The following RAVER2 variants were observed in gnomAD, a reference collection of about 807,000 sequenced individuals.
RAVER2 encodes ribonucleoprotein, PTB binding 2.
RAVER2 carries 46 observed loss-of-function variants against 78.1 expected under a neutral mutation model. The observed-to-expected ratio is 0.59, with a 90% CI of 0.46 to 0.75. The LOEUF (loss-of-function observed/expected upper bound fraction) is 0.75, where lower values mean the gene tolerates loss of function less well. Ranked by LOEUF, RAVER2 falls within the 30% of genes least tolerant of loss-of-function variation. The pLI is 0.00. For synonymous variants in RAVER2, 311 were observed against 313.3 expected (o/e 0.99, Z 0.08); for missense variants, 793 against 837.5 (o/e 0.95, Z 0.66).
intron 5 of RAVER2, among the ~76,000 whole-genome samples, chr1:64,797,767 A>T (rs1192475665): frequency 6.6e-6 from 1 of 152,088 alleles, no homozygotes; most frequent in Non-Finnish European, 1.5e-5. Flanking sequence ...ATCTATCTAT[A>T]TCTATATGTT....
chr1:64,806,272 A>C (rs755365499), intron 8 of RAVER2, among the ~76,000 whole-genome samples: 1 of 152,166 alleles, frequency 6.6e-6, no homozygotes, highest in African/African-American at 2.4e-5. Flanking sequence ...TTAGCCAGGC[A>C]TGCTGGCACA....
At chr1:64,780,571 T>G (rs1457680299) in intron 3 of RAVER2, among the ~76,000 whole-genome samples, 2 of 152,226 alleles carry the variant, frequency 1.3e-5, no homozygotes, top group East Asian at 3.8e-4. Flanking sequence ...GAAATGTGTC[T>G]TCTCAAAGAT....
chr1:64,764,476 C>T (rs1347629376), intron 1 of RAVER2, among the ~76,000 whole-genome samples: 1 of 151,938 alleles, frequency 6.6e-6, no homozygotes, highest in Admixed American at 6.6e-5. Flanking sequence ...AAATAAGATC[C>T]CTTTATGACC....
chr1:64,798,519 A>G (rs1484034737), intron 5 of RAVER2, among the ~76,000 whole-genome samples: 1 of 151,962 alleles, frequency 6.6e-6, no homozygotes, highest in Non-Finnish European at 1.5e-5. Flanking sequence ...ACAATGGTTG[A>G]ACTAGTTTAC....
intron 11 of RAVER2, among the ~76,000 whole-genome samples, chr1:64,817,958 GATAA>G (rs1253649779): frequency 6.6e-6 from 1 of 152,100 alleles, no homozygotes; most frequent in Non-Finnish European, 1.5e-5. Context: ...ATGGAGAAGG[GATAA>G]ATAATCTCTC....
chr1:64,751,662 T>G (rs1366539960), intron 1 of RAVER2, among the ~76,000 whole-genome samples: 1 of 152,184 alleles, frequency 6.6e-6, no homozygotes, highest in Non-Finnish European at 1.5e-5. Flanking sequence ...ACAGGCATAA[T>G]CATAGTGCAC....
chr1:64,807,278 A>G, exon 9 of RAVER2: 1 of 1,614,200 alleles, frequency 6.2e-7, no homozygotes, highest in Middle Eastern at 1.7e-4. Flanking sequence ...CCAAATCAGC[A>G]CATTGCTGGA....
At chr1:64,820,745 G>C (rs310237) in intron 11 of RAVER2, among the ~76,000 whole-genome samples, 1 of 152,096 alleles carries the variant, frequency 6.6e-6, no homozygotes, top group South Asian at 2.1e-4. Context: ...ACATGAGCTC[G>C]TTCTTTTTTA....
intron 10 of RAVER2, among the ~76,000 whole-genome samples, chr1:64,814,431 C>G (rs1328439744): frequency 2.6e-5 from 4 of 151,924 alleles, no homozygotes. Flanking sequence ...ACCTTTCCAC[C>G]AAAATTATTT....
intron 10 of RAVER2, among the ~76,000 whole-genome samples, chr1:64,814,486 G>C (rs1570579490): frequency 6.6e-6 from 1 of 151,986 alleles, no homozygotes; most frequent in Non-Finnish European, 1.5e-5. Context: ...AAATGAATAA[G>C]ACAGTATTAT....
At chr1:64,779,977 G>C (rs962020738) in intron 3 of RAVER2, among the ~76,000 whole-genome samples, 1 of 151,908 alleles carries the variant, frequency 6.6e-6, no homozygotes, top group African/African-American at 2.4e-5. Context: ...AGCCCTCTCT[G>C]AAACTACTGA....
At chr1:64,750,279 T>C (rs1651661435) in intron 1 of RAVER2, among the ~76,000 whole-genome samples, 1 of 151,834 alleles carries the variant, frequency 6.6e-6, no homozygotes, top group Non-Finnish European at 1.5e-5. Flanking sequence ...TAAATTTTTT[T>C]CTGCTCTTTC....
At chr1:64,761,277 T>C (rs946041245) in intron 1 of RAVER2, among the ~76,000 whole-genome samples, 2 of 152,178 alleles carry the variant, frequency 1.3e-5, no homozygotes, top group Admixed American at 6.5e-5. Context: ...CAAGATAAAA[T>C]TGATACCACA....
intron 8 of RAVER2, 144 bp from the exon 9 acceptor site, chr1:64,807,062 A>G: frequency 4.6e-6 from 4 of 872,034 alleles, no homozygotes; most frequent in South Asian, 2.9e-5. Flanking sequence ...CTAATTAACA[A>G]CCTCTAACCT....
At chr1:64,820,523 A>G (rs1382447566) in intron 11 of RAVER2, among the ~76,000 whole-genome samples, 1 of 152,180 alleles carries the variant, frequency 6.6e-6, no homozygotes, top group Admixed American at 6.5e-5. Flanking sequence ...TATTAAGTGC[A>G]GTACCCAATA....
intron 4 of RAVER2, among the ~76,000 whole-genome samples, chr1:64,783,725 C>A (rs1447967850): frequency 1.3e-5 from 2 of 152,174 alleles, no homozygotes; most frequent in East Asian, 3.9e-4. Context: ...TCTTTTAATG[C>A]CCTAGAAGAA....
chr1:64,811,523 G>C (rs1042278411), intron 9 of RAVER2, among the ~76,000 whole-genome samples: 55 of 152,252 alleles, frequency 3.6e-4, no homozygotes, highest in African/African-American at 1.3e-3. Flanking sequence ...CACAGATTGA[G>C]GTTTGTAGCT....
chr1:64,774,641 A>G (rs1434966850), intron 2 of RAVER2, among the ~76,000 whole-genome samples: 1 of 151,974 alleles, frequency 6.6e-6, no homozygotes, highest in African/African-American at 2.4e-5. Context: ...TTTGCTTAGG[A>G]TTGTCTTGGC....
chr1:64,765,085 T>C (rs1382326804), intron 1 of RAVER2, among the ~76,000 whole-genome samples: 3 of 152,212 alleles, frequency 2.0e-5, no homozygotes, highest in Non-Finnish European at 4.4e-5. Flanking sequence ...ATCCATTAAA[T>C]TGACACAACT....
Sources: allele counts gnomAD v4.1 joint callset (sites outside exome capture counted in the v4.1 genomes callset), GRCh38; gene constraint gnomAD v4.1.1; transcripts MANE v1.5; gene names NCBI Gene and HGNC (gene_info 2026-07-23, HGNC 2026-07-21).